Variants in RRAS2 observed in about 807,000 individuals in gnomAD.
RRAS2 encodes the protein ras-related protein R-Ras2.
RRAS2 carries 7 observed loss-of-function variants against 27.6 expected under a neutral mutation model. The observed-to-expected ratio is 0.25, with a 90% CI of 0.14 to 0.48. RRAS2 has a LOEUF of 0.48. Ranked by LOEUF, RRAS2 falls within the 20% of genes least tolerant of loss-of-function variation. The probability of loss-of-function intolerance (pLI) is 0.99; values close to 1 mark genes in which losing one functional copy is unlikely to be tolerated. For missense variants in RRAS2, 178 were observed against 256.2 expected, an observed-to-expected ratio of 0.69 and a Z score of 2.08; for synonymous variants, 86 against 90.9, an observed-to-expected ratio of 0.95 and a Z score of 0.31.
intron 1 of RRAS2, among the ~76,000 whole-genome samples, chr11:14,318,278 C>T (rs1848154157): frequency 1.3e-5 from 2 of 152,142 alleles, no homozygotes; most frequent in South Asian, 4.1e-4. Flanking sequence ...GCGGGTGGAT[C>T]ACCTGAAGTC....
chr11:14,312,594 AT>A (rs1848000385), intron 1 of RRAS2, among the ~76,000 whole-genome samples: 1 of 151,552 alleles, frequency 6.6e-6, no homozygotes, highest in African/African-American at 2.4e-5. Flanking sequence ...TAATTTTTTC[AT>A]TTTTTTGTAG....
At chr11:14,305,324 C>T (rs1847806952) in intron 1 of RRAS2, among the ~76,000 whole-genome samples, 2 of 152,156 alleles carry the variant, frequency 1.3e-5, no homozygotes, top group South Asian at 4.1e-4. Flanking sequence ...CAGGTATATT[C>T]GGAGGCCAAA....
chr11:14,284,113 A>C (rs539238627), intron 4 of RRAS2, among the ~76,000 whole-genome samples: 9 of 152,126 alleles, frequency 5.9e-5, no homozygotes, highest in African/African-American at 2.2e-4. Flanking sequence ...CTTATTTCTT[A>C]AGGAAGAAAC....
intron 3 of RRAS2, 24 bp downstream of exon 3, chr11:14,294,736 T>C: frequency 6.3e-7 from 1 of 1,596,886 alleles, no homozygotes; most frequent in Non-Finnish European, 8.6e-7. Flanking sequence ...GAACAGTGGA[T>C]CTACATTCTA....
At chr11:14,298,961 C>T (rs542964943) in intron 1 of RRAS2, among the ~76,000 whole-genome samples, 1 of 152,232 alleles carries the variant, frequency 6.6e-6, no homozygotes, top group East Asian at 1.9e-4. Context: ...AATCAGTCCC[C>T]GTGATGAAGT....
rs186461061 is a variant in RRAS2, at chr11:14,332,551, A to T, written c.108+26212T>A. Among the ~76,000 whole-genome samples the T allele has an allele frequency of 3.9e-3, 600 of 152,330 alleles. 2 individuals are homozygous for T. The highest frequency in any genetic ancestry group is 0.024 in the Middle Eastern group (7 of 294). On this transcript the variant is annotated intron_variant, in intron 1 of 5. Transcript: ENST00000256196. ...ATAAAGAACCATAGAAACAAGCAAT[A>T]TCATAGATGAATGTCAAAATCATCA...
At chr11:14,307,789 C>T (rs549319375) in intron 1 of RRAS2, among the ~76,000 whole-genome samples, 20 of 151,980 alleles carry the variant, frequency 1.3e-4, no homozygotes, top group African/African-American at 4.1e-4. Context: ...AAAGTAAAGT[C>T]GTTTCATTAA....
intron 1 of RRAS2, among the ~76,000 whole-genome samples, chr11:14,322,921 G>C (rs1554950483): frequency 6.6e-6 from 1 of 152,046 alleles, no homozygotes; most frequent in Non-Finnish European, 1.5e-5. Flanking sequence ...GAAACACACA[G>C]AACTTATGGA....
chr11:14,336,578 T>C (rs1218163169), intron 1 of RRAS2, among the ~76,000 whole-genome samples: 1 of 151,832 alleles, frequency 6.6e-6, no homozygotes, highest in Non-Finnish European at 1.5e-5. Context: ...AACTAAAAAA[T>C]ACAATAATCA....
Position 14,294,789 on chromosome 11 carries a change from C to CA in RRAS2, c.269dup (p.Leu91ValfsTer8). ...CTCTATCTGTGACTGAAAAGACCAA[C>CA]AGGAAGCCTTCGCCAGTCCTCATAT... On this transcript the variant is annotated frameshift_variant, in exon 3 of 6. Transcript: ENST00000256196. LOFTEE classifies it high-confidence loss of function. 1 of 1,613,752 alleles carries CA rather than the reference C, an allele frequency of 6.2e-7. No individual in the cohort carries two copies. Among genetic ancestry groups the CA allele is most frequent in the Non-Finnish European group, 8.5e-7 (1 of 1,179,888 alleles).
intron 1 of RRAS2, among the ~76,000 whole-genome samples, chr11:14,316,532 G>A (rs1333515988): frequency 6.6e-6 from 1 of 152,184 alleles, no homozygotes; most frequent in Non-Finnish European, 1.5e-5. Context: ...TTGAGCCCAG[G>A]AGTTCAAGAC....
chr11:14,360,977 T>C (rs973579999), upstream of RRAS2, among the ~76,000 whole-genome samples: 5 of 150,388 alleles, frequency 3.3e-5, no homozygotes, highest in Admixed American at 6.6e-5. Context: ...CCTTCTTGAA[T>C]ATTTGACCCA....
chr11:14,345,418 C>T lies in RRAS2; in HGVS notation c.108+13345G>A, dbSNP rs902395622. Among the ~76,000 whole-genome samples, 11 of 152,270 alleles carry T rather than the reference C, an allele frequency of 7.2e-5. No individual in the cohort carries two copies. In the South Asian group the frequency reaches 2.1e-3, roughly 29 times the overall value. On this transcript the variant is annotated intron_variant, in intron 1 of 5. Coordinates refer to ENST00000256196, the MANE Select transcript of RRAS2 (RefSeq NM_012250.6). ...AAAATGTACAAATATAACTAAGAGA[C>T]ATAGATACAGACAAAGCACACCAAA...
At chr11:14,344,053 G>C (rs1848778124) in intron 1 of RRAS2, among the ~76,000 whole-genome samples, 1 of 151,944 alleles carries the variant, frequency 6.6e-6, no homozygotes, top group South Asian at 2.1e-4. Flanking sequence ...TGAGGTAGAA[G>C]AATCACTTAA....
At chr11:14,305,164 A>G (rs145986280) in intron 1 of RRAS2, among the ~76,000 whole-genome samples, 1 of 152,104 alleles carries the variant, frequency 6.6e-6, no homozygotes, top group East Asian at 1.9e-4. Flanking sequence ...ATTTTCAGCT[A>G]ATATATATGT....
chr11:14,336,183 T>G (rs1354033043), intron 1 of RRAS2, among the ~76,000 whole-genome samples: 1 of 152,146 alleles, frequency 6.6e-6, no homozygotes, highest in Non-Finnish European at 1.5e-5. Flanking sequence ...ATTTTGGACT[T>G]AATGTAAGCT....
At chr11:14,290,507 C>T (rs185973437) in intron 4 of RRAS2, among the ~76,000 whole-genome samples, 40 of 152,258 alleles carry the variant, frequency 2.6e-4, no homozygotes, top group Non-Finnish European at 5.1e-4. Context: ...GCTATAGTAT[C>T]TCAATTTCAA....
chr11:14,329,901 C>G (rs1259994720), intron 1 of RRAS2, among the ~76,000 whole-genome samples: 1 of 152,050 alleles, frequency 6.6e-6, no homozygotes, highest in African/African-American at 2.4e-5. Context: ...GAGACTTCAT[C>G]TCTATAAATA....
rs368395224 is a variant in RRAS2, at chr11:14,279,457, C to T, written c.528-33G>A. ...ATAAAAAATTCTAAAATATAATTGC[C>T]TTCTTGGTAATCTACTATTACAAAC... is the stretch of plus-strand genomic sequence containing the variant. On this transcript the variant is annotated intron_variant, in intron 5 of 5. Coordinates refer to ENST00000256196, the MANE Select transcript of RRAS2 (RefSeq NM_012250.6). 3.4e-6 allele frequency: 5 copies of T among 1,461,502 alleles called. No homozygotes were observed. The African/African-American group carries it at 5.6e-5, about 16-fold the overall frequency. 90.5% of individuals were successfully genotyped at this position (1,461,502 alleles called of 1,614,324 possible). A position where few individuals can be genotyped will look rare whatever the true frequency, so the allele number is the denominator to read the frequency against.
Sources: allele counts gnomAD v4.1 joint callset (sites outside exome capture counted in the v4.1 genomes callset), GRCh38; gene constraint gnomAD v4.1.1; transcripts MANE v1.5; gene names NCBI Gene and HGNC (gene_info 2026-07-23, HGNC 2026-07-21).